The following FBXW8 variants were observed in gnomAD, a reference collection of about 807,000 sequenced individuals.
The protein encoded by FBXW8 is F-box and WD repeat domain containing 8.
A neutral mutation model predicts 65.3 loss-of-function variants in FBXW8; 57 were observed. The ratio of observed to expected loss-of-function variants is 0.87; its 90% CI spans 0.71 to 1.09. The LOEUF (loss-of-function observed/expected upper bound fraction) is 1.09. Ranked by LOEUF, FBXW8 falls within the 50% of genes least tolerant of loss-of-function variation. The pLI is 0.00. For synonymous variants in FBXW8, 308 were observed against 330.2 expected, an observed-to-expected ratio of 0.93 and a Z score of 0.73; for missense variants, 777 against 814.8, an observed-to-expected ratio of 0.95 and a Z score of 0.57.
At chr12:117,001,964 C>T (rs1953532050) in intron 7 of FBXW8, among the ~76,000 whole-genome samples, 1 of 152,218 alleles carries the variant, frequency 6.6e-6, no homozygotes, top group African/African-American at 2.4e-5. Flanking sequence ...TTATTATTCC[C>T]AGCACCTACG....
At chr12:116,926,760 T>A (rs12316811) in intron 1 of FBXW8, among the ~76,000 whole-genome samples, 10,604 of 152,214 alleles carry the variant, frequency 0.07, 969 homozygotes, top group African/African-American at 0.21. Flanking sequence ...GAGATCCCTT[T>A]TGGCCTTCAT....
rs767083439 is a variant in FBXW8 at position 117,027,448 on chromosome 12, G to A, written c.1596G>A (p.Val532=). The A allele has an allele frequency of 2.5e-6, 4 of 1,614,036 alleles. No homozygotes were observed. Among genetic ancestry groups the A allele is most frequent in the Non-Finnish European group, 3.4e-6 (4 of 1,180,040 alleles). Reference sequence around the variant, plus strand: ...GCCACAGCCTCATCACGGCCAACGTGCCTTACCAGACGGTAATGCGAAACG... The same window carrying A: ...GCCACAGCCTCATCACGGCCAACGTACCTTACCAGACGGTAATGCGAAACG... ...FSSHSLITAN[V]PYQTVMRNAD... Residue 532 remains valine (V), a synonymous_variant, in exon 10 of 11, where the codon GTG becomes GTA. Transcript: ENST00000652555.
intron 5 of FBXW8, among the ~76,000 whole-genome samples, chr12:116,971,357 C>CAA (rs762730882): frequency 0.01 from 1,190 of 118,234 alleles, 20 homozygotes; most frequent in African/African-American, 0.036. Flanking sequence ...AAGACCCAGT[C>CAA]AAAAAAAAAA....
intron 2 of FBXW8, among the ~76,000 whole-genome samples, chr12:116,939,910 TAGAC>T (rs949785011): frequency 1.2e-4 from 18 of 152,202 alleles, no homozygotes; most frequent in East Asian, 3.8e-4. Flanking sequence ...CACAGACAGA[TAGAC>T]AGACAGCATC....
intron 2 of FBXW8, 59 bp downstream of exon 2, chr12:116,928,186 C>A: frequency 9.9e-7 from 1 of 1,005,100 alleles, no homozygotes; most frequent in Non-Finnish European, 1.6e-6. Flanking sequence ...AGGTATAGGA[C>A]TCTCCGGGGT....
chr12:117,010,864 T>C (rs1203812492), intron 8 of FBXW8, among the ~76,000 whole-genome samples: 2 of 152,224 alleles, frequency 1.3e-5, no homozygotes, highest in Non-Finnish European at 2.9e-5. Context: ...CAAGAGTGTA[T>C]TTCAGAACAC....
rs1954348886 is a variant in FBXW8 at position 117,031,128 on chromosome 12, A to G, written c.*2956A>G. 1 of 152,206 alleles carries G rather than the reference A, an allele frequency of 6.6e-6. No homozygotes were observed. Among genetic ancestry groups the G allele is most frequent in the Non-Finnish European group, 1.5e-5 (1 of 68,040 alleles). 9.4% of individuals were successfully genotyped at this position (152,206 alleles called of 1,614,324 possible). A position where few individuals can be genotyped will look rare whatever the true frequency, so the allele number is the denominator to read the frequency against. ...CTTTATGATGTCCGTAGTTGTTCTA[A>G]TATTAAATGCTTTGAATTTCTTTAT... On this transcript the variant is annotated 3_prime_UTR_variant, in exon 11 of 11. Coordinates refer to ENST00000652555, the MANE Select transcript of FBXW8 (RefSeq NM_153348.3).
chr12:116,961,025 T>A lies in FBXW8; in HGVS notation c.678-3672T>A. On this transcript the variant is annotated intron_variant, in intron 4 of 10. Coordinates refer to ENST00000652555, the MANE Select transcript of FBXW8 (RefSeq NM_153348.3). The surrounding 1 kb of genome is among the most constrained non-coding windows in gnomAD (Gnocchi z 4.4). ...CTGGTTCTATCCCCAAATGGTCAGA[T>A]TTATTTGGTCTGGGAGGCTGGAATG... 6.6e-6 allele frequency among the ~76,000 whole-genome samples: 1 copy of A among 152,062 alleles called. No individual in the cohort carries two copies. The highest frequency in any genetic ancestry group is 1.5e-5 in the Non-Finnish European group (1 of 67,998).
chr12:116,951,364 T>G (rs1883272183), intron 4 of FBXW8: 1 of 152,228 alleles, frequency 6.6e-6, no homozygotes, highest in South Asian at 2.1e-4. Context: ...TTGAATCCCT[T>G]TTCATTTGAG....
chr12:116,983,848 G>A (rs961644922), intron 5 of FBXW8, among the ~76,000 whole-genome samples: 30 of 152,164 alleles, frequency 2.0e-4, no homozygotes, highest in African/African-American at 7.2e-4. Context: ...CGTGTGGCCG[G>A]TCTCCTTTCA....
chr12:117,017,953 C>A (rs2135717961), intron 8 of FBXW8, among the ~76,000 whole-genome samples: 1 of 152,294 alleles, frequency 6.6e-6, no homozygotes, highest in Non-Finnish European at 1.5e-5. Flanking sequence ...GCTCGTGCTA[C>A]TGCTGCCTGC....
At chr12:117,000,419 G>A (rs1953487100) in intron 7 of FBXW8, among the ~76,000 whole-genome samples, 2 of 152,252 alleles carry the variant, frequency 1.3e-5, no homozygotes, top group South Asian at 4.1e-4. Context: ...CTGAAAGGCA[G>A]TATAGGTAGA....
chr12:117,012,820 T>G (rs1007213306), intron 8 of FBXW8, among the ~76,000 whole-genome samples: 1 of 152,166 alleles, frequency 6.6e-6, no homozygotes, highest in African/African-American at 2.4e-5. Flanking sequence ...TATAAATAAC[T>G]TGGGAATGAG....
intron 4 of FBXW8, chr12:116,951,244 C>G (rs181676630): frequency 2.0e-5 from 3 of 152,182 alleles, no homozygotes; most frequent in Admixed American, 6.5e-5. Context: ...GAAAACCTTA[C>G]GTTGATGGCT....
At chr12:117,014,643 C>CTGTT (rs1166108476) in intron 8 of FBXW8, among the ~76,000 whole-genome samples, 2 of 152,132 alleles carry the variant, frequency 1.3e-5, no homozygotes, top group Non-Finnish European at 2.9e-5. Context: ...ACGGCAAGTT[C>CTGTT]TGTTTACCCT....
chr12:117,021,748 T>A (rs1954105115), intron 8 of FBXW8, among the ~76,000 whole-genome samples: 1 of 152,220 alleles, frequency 6.6e-6, no homozygotes, highest in African/African-American at 2.4e-5. Context: ...CTTTCCGATT[T>A]TTTTTAACCT....
rs897743318 is a variant in FBXW8, at chr12:117,023,613, C to T, written c.1368-534C>T. Among the ~76,000 whole-genome samples the T allele has an allele frequency of 4.6e-5, 7 of 152,324 alleles. No individual in the cohort carries two copies. The East Asian group carries it at 9.6e-4, about 21-fold the overall frequency. On this transcript the variant is annotated intron_variant, in intron 8 of 10. Coordinates refer to ENST00000652555, the MANE Select transcript of FBXW8 (RefSeq NM_153348.3). ...CCCAGGGTACACACACCCTTATCCC[C>T]GCTCTGCTGTGCTTATCAAGGATAA...
At chr12:117,006,666 A>G (rs1207388466) in intron 7 of FBXW8, among the ~76,000 whole-genome samples, 1 of 152,222 alleles carries the variant, frequency 6.6e-6, no homozygotes, top group African/African-American at 2.4e-5. Flanking sequence ...GGCCCCGTCT[A>G]TGGAGGAGCA....
chr12:116,912,694 A>G (rs1593027340), intron 1 of FBXW8, among the ~76,000 whole-genome samples: 1 of 151,816 alleles, frequency 6.6e-6, no homozygotes, highest in Non-Finnish European at 1.5e-5. Context: ...CGATCTCCTG[A>G]CCTCGTGATC....
Sources: allele counts gnomAD v4.1 joint callset (sites outside exome capture counted in the v4.1 genomes callset), GRCh38; gene constraint gnomAD v4.1.1; non-coding constraint Gnocchi (gnomAD v3.1); transcripts MANE v1.5; gene names NCBI Gene and HGNC (gene_info 2026-07-23, HGNC 2026-07-21).